The following EXOC6 variants were observed in gnomAD, a reference collection of about 807,000 sequenced individuals.
The protein encoded by EXOC6 is SEC15-like 1.
EXOC6 carries 60 observed loss-of-function variants against 112.5 expected under a neutral mutation model. The observed-to-expected ratio is 0.53, with a 90% CI of 0.43 to 0.66. The LOEUF (loss-of-function observed/expected upper bound fraction) is 0.66. Ranked by LOEUF, EXOC6 falls within the 30% of genes least tolerant of loss-of-function variation. The pLI, the probability that EXOC6 is intolerant of heterozygous loss-of-function variation, is 0.00. For missense variants in EXOC6, 855 were observed against 957.1 expected, an observed-to-expected ratio of 0.89 and a Z score of 1.41; for synonymous variants, 295 against 308.0, an observed-to-expected ratio of 0.96 and a Z score of 0.44.
At chr10:92,867,644 AAATGT>A (rs1434604833) in intron 1 of EXOC6, among the ~76,000 whole-genome samples, 1 of 152,194 alleles carries the variant, frequency 6.6e-6, no homozygotes, top group African/African-American at 2.4e-5. Flanking sequence ...ACCCTCACAC[AAATGT>A]AAAATGAATA....
At chr10:92,966,828 G>A (rs879280283) in intron 17 of EXOC6, among the ~76,000 whole-genome samples, 41 of 147,898 alleles carry the variant, frequency 2.8e-4, no homozygotes, top group Non-Finnish European at 4.5e-4. Context: ...TGGGTCAAAT[G>A]GTATTTCTAG....
At chr10:93,055,187 T>C (rs1335810135) in intron 20 of EXOC6, among the ~76,000 whole-genome samples, 3 of 152,176 alleles carry the variant, frequency 2.0e-5, no homozygotes, top group Admixed American at 2.0e-4. Context: ...CTTCCAGTCT[T>C]TTTGGATGGG....
At chr10:93,049,010 A>G (rs1846144711) in intron 20 of EXOC6, among the ~76,000 whole-genome samples, 1 of 152,116 alleles carries the variant, frequency 6.6e-6, no homozygotes, top group South Asian at 2.1e-4. Context: ...ACCCAAGAGA[A>G]ATGGAAACAG....
intron 1 of EXOC6, among the ~76,000 whole-genome samples, chr10:92,889,081 C>T (rs1849368338): frequency 6.6e-6 from 1 of 151,914 alleles, no homozygotes; most frequent in African/African-American, 2.4e-5. Flanking sequence ...TAGTCAGATC[C>T]TTTGGTGTGA....
chr10:93,023,116 GTTT>G (rs10531957), intron 20 of EXOC6, among the ~76,000 whole-genome samples: 96,687 of 150,566 alleles, frequency 0.64, 33,713 homozygotes, highest in East Asian at 0.99. Flanking sequence ...TCATGCTTCT[GTTT>G]TTTTTTAGTT....
intron 18 of EXOC6, among the ~76,000 whole-genome samples, chr10:92,980,126 T>G (rs1035793668): frequency 5.9e-5 from 9 of 152,132 alleles, no homozygotes; most frequent in African/African-American, 2.2e-4. Flanking sequence ...AAAAGGCAAA[T>G]TCACGTGAGG....
chr10:92,953,356 G>A (rs1007054820), intron 15 of EXOC6, among the ~76,000 whole-genome samples: 2 of 152,120 alleles, frequency 1.3e-5, no homozygotes, highest in Non-Finnish European at 2.9e-5. Context: ...TGAGATTACA[G>A]GCACAATCCA....
At chr10:92,880,323 T>C (rs1164280701) in intron 1 of EXOC6, among the ~76,000 whole-genome samples, 3 of 152,206 alleles carry the variant, frequency 2.0e-5, no homozygotes, top group Non-Finnish European at 4.4e-5. Flanking sequence ...AGTCCATGCA[T>C]GTTTAGTATA....
At chr10:93,013,263 T>G (rs9419758) in intron 19 of EXOC6, among the ~76,000 whole-genome samples, 1,577 of 152,272 alleles carry the variant, frequency 0.01, 30 homozygotes, top group African/African-American at 0.036. Context: ...GTGGAAATTT[T>G]AAAAATTCTC....
At chr10:92,907,647 G>A (rs1850518537) in intron 5 of EXOC6, among the ~76,000 whole-genome samples, 3 of 152,172 alleles carry the variant, frequency 2.0e-5, no homozygotes, top group Admixed American at 6.5e-5. Flanking sequence ...GTTGTAGAGA[G>A]AATACTTTTG....
chr10:92,878,381 A>G (rs1848779040), intron 1 of EXOC6: 1 of 152,160 alleles, frequency 6.6e-6, no homozygotes, highest in Admixed American at 6.6e-5. Context: ...GAAGACAGCA[A>G]AAAAAGGAAC....
chr10:92,831,581 G>A (rs368477088), upstream of EXOC6, among the ~76,000 whole-genome samples: 4 of 151,956 alleles, frequency 2.6e-5, no homozygotes, highest in East Asian at 3.9e-4. Context: ...CTACAGGTGC[G>A]TGCCACCATG....
chr10:92,833,832 C>T (rs17107949), upstream of EXOC6, among the ~76,000 whole-genome samples: 4,163 of 151,988 alleles, frequency 0.027, 161 homozygotes, highest in East Asian at 0.15. Context: ...AATACATGCC[C>T]GTTAGTTCTT....
intron 1 of EXOC6, among the ~76,000 whole-genome samples, chr10:92,876,982 T>C (rs1457308303): frequency 6.6e-6 from 1 of 152,180 alleles, no homozygotes; most frequent in East Asian, 1.9e-4. Flanking sequence ...CTAGAAGGGA[T>C]GGTTCTTTTT....
At chr10:92,991,421 G>A (rs1419977197) in intron 18 of EXOC6, among the ~76,000 whole-genome samples, 1 of 144,704 alleles carries the variant, frequency 6.9e-6, no homozygotes, top group Non-Finnish European at 1.5e-5. Flanking sequence ...GGGTGACAGA[G>A]TGAGACTCCA....
intron 14 of EXOC6, 144 bp downstream of exon 14, chr10:92,948,523 T>C: frequency 1.8e-6 from 1 of 558,126 alleles, no homozygotes; most frequent in Non-Finnish European, 3.2e-6. Context: ...GAAAACTAAC[T>C]ATGTTCTGTG....
At chr10:92,973,298 T>C (rs1842370425) in intron 17 of EXOC6, among the ~76,000 whole-genome samples, 1 of 152,196 alleles carries the variant, frequency 6.6e-6, no homozygotes, top group Non-Finnish European at 1.5e-5. Context: ...AATGTTGTCT[T>C]TTGAGAGTAC....
intron 17 of EXOC6, among the ~76,000 whole-genome samples, chr10:92,960,752 G>A (rs1853945604): frequency 6.6e-6 from 1 of 151,902 alleles, no homozygotes; most frequent in Admixed American, 6.6e-5. Context: ...CCTTTTTCTG[G>A]GTTCTATTTA....
At chr10:92,920,173 A>G (rs1418005369) in intron 8 of EXOC6, 123 bp downstream of exon 8, 1 of 572,498 alleles carries the variant, frequency 1.7e-6, no homozygotes, top group East Asian at 3.2e-5. Flanking sequence ...TGAAATATCC[A>G]CTCTGTGTAA....
Sources: allele counts gnomAD v4.1 joint callset (sites outside exome capture counted in the v4.1 genomes callset), GRCh38; gene constraint gnomAD v4.1.1; transcripts MANE v1.5; gene names NCBI Gene and HGNC (gene_info 2026-07-23, HGNC 2026-07-21).